The following RNF17 variants were observed in gnomAD, a reference collection of about 807,000 sequenced individuals.
RNF17 encodes the protein ring finger protein 17, also known as spermatogenesis associated 23.
A neutral mutation model predicts 200.5 loss-of-function variants in RNF17; 31 were observed. The observed-to-expected ratio is 0.15, with a 90% CI of 0.12 to 0.21. The LOEUF (loss-of-function observed/expected upper bound fraction) is 0.21. RNF17 is among the 10% of genes least tolerant of loss of function. RNF17 has a pLI of 1.00. For synonymous variants in RNF17, 606 were observed against 637.8 expected, an observed-to-expected ratio of 0.95 and a Z score of 0.75; for missense variants, 1,628 against 1,905.1, an observed-to-expected ratio of 0.85 and a Z score of 2.71.
In RNF17 at chr13:24,826,314, T is replaced by C. The variant is rs569831005; in HGVS notation, c.2245+542T>C. 2.5e-3 allele frequency among the ~76,000 whole-genome samples: 383 copies of C among 152,306 alleles called. 6 individuals are homozygous for C. Among genetic ancestry groups the C allele is most frequent in the African/African-American group, 9.1e-3 (379 of 41,576 alleles). On this transcript the variant is annotated intron_variant, in intron 16 of 35. Coordinates refer to ENST00000255324, the MANE Select transcript of RNF17 (RefSeq NM_031277.3). ...AGAAGATTTATGAAAATGGAGGTAT[T>C]AGCAACAAAAATAATAAAGTTTATT... is the stretch of plus-strand genomic sequence containing the variant.
chr13:24,748,826 T>C, the RNF17 span, among the ~76,000 whole-genome samples: 1 of 151,994 alleles, frequency 6.6e-6, no homozygotes, highest in East Asian at 1.9e-4. Flanking sequence ...CTTGGCTCAC[T>C]GCAACCTCCG....
intron 16 of RNF17, among the ~76,000 whole-genome samples, chr13:24,827,213 A>G (rs982224242): frequency 1.4e-4 from 22 of 152,228 alleles, no homozygotes; most frequent in Admixed American, 4.6e-4. Context: ...GATTACAGGC[A>G]TGAGCCACTG....
intron 2 of RNF17, among the ~76,000 whole-genome samples, chr13:24,769,477 C>A (rs932254214): frequency 1.3e-5 from 2 of 152,156 alleles, no homozygotes; most frequent in Non-Finnish European, 2.9e-5. Flanking sequence ...ATTCTTCAGA[C>A]GCACTGGTGA....
At chr13:24,872,049 A>T (rs947343804) in intron 32 of RNF17, among the ~76,000 whole-genome samples, 1 of 141,108 alleles carries the variant, frequency 7.1e-6, no homozygotes, top group East Asian at 2.1e-4. Context: ...GCTCACTGCA[A>T]CCTTTGCCTC....
the RNF17 span, chr13:24,885,685 T>C: frequency 6.3e-7 from 1 of 1,590,914 alleles, no homozygotes; most frequent in South Asian, 1.1e-5. Flanking sequence ...TAGAATAAAA[T>C]TGTCAAGAGT....
At position 24,846,726 on chromosome 13, in the gene RNF17, A is replaced by G. The variant is rs552530322; in HGVS notation, c.3101+1647A>G. On this transcript the variant is annotated intron_variant, in intron 22 of 35. Coordinates refer to ENST00000255324, the MANE Select transcript of RNF17 (RefSeq NM_031277.3). Reference sequence around the variant, plus strand: ...AAAAAAAATTGAAAAAAATCTCATAATGTTCTAAGAAAGTTTATGAATTTG... The same window carrying G: ...AAAAAAAATTGAAAAAAATCTCATAGTGTTCTAAGAAAGTTTATGAATTTG... Among the ~76,000 whole-genome samples, 96 of 152,302 alleles carry G rather than the reference A, an allele frequency of 6.3e-4. 1 individual carries two copies. Among genetic ancestry groups the G allele is most frequent in the Non-Finnish European group, 4.3e-4 (29 of 68,014 alleles).
chr13:24,793,024 C>A lies in RNF17; in HGVS notation c.936-18C>A, dbSNP rs772768555. 6.8e-6 allele frequency: 10 copies of A among 1,478,250 alleles called. No individual in the cohort carries two copies. In the African/African-American group the frequency reaches 8.5e-5, roughly 13 times the overall value. 91.6% of individuals were successfully genotyped at this position (1,478,250 alleles called of 1,614,324 possible). ...ATACCTCTGTATTCATAGCTTATAT[C>A]TCTGTATTTTTAAACAGATGTTATC... is the stretch of plus-strand genomic sequence containing the variant. On this transcript the variant is annotated intron_variant, in intron 9 of 35. Coordinates refer to ENST00000255324, the MANE Select transcript of RNF17 (RefSeq NM_031277.3).
intron 10 of RNF17, among the ~76,000 whole-genome samples, chr13:24,795,580 G>A (rs1440152177): frequency 6.6e-6 from 1 of 151,978 alleles, no homozygotes; most frequent in Non-Finnish European, 1.5e-5. Context: ...CCACCAAAAA[G>A]CACACGCATT....
At chr13:24,869,315 G>A (rs1893998146) in intron 31 of RNF17, among the ~76,000 whole-genome samples, 1 of 152,210 alleles carries the variant, frequency 6.6e-6, no homozygotes, top group Non-Finnish European at 1.5e-5. Context: ...CTCACAGGCA[G>A]GGGAAGGATT....
chr13:24,863,425 G>T (rs1369649649), intron 28 of RNF17, among the ~76,000 whole-genome samples: 2 of 152,172 alleles, frequency 1.3e-5, no homozygotes, highest in African/African-American at 4.8e-5. Context: ...AAGAGTAGTG[G>T]TAGTGAATAG....
chr13:24,811,000 C>T (rs1469507786), intron 15 of RNF17, among the ~76,000 whole-genome samples: 1 of 151,972 alleles, frequency 6.6e-6, no homozygotes, highest in Non-Finnish European at 1.5e-5. Context: ...AGAGTTTCTG[C>T]CGAGAGATCC....
At chr13:24,774,302 C>A (rs1881241224) in intron 2 of RNF17, among the ~76,000 whole-genome samples, 1 of 152,082 alleles carries the variant, frequency 6.6e-6, no homozygotes, top group Non-Finnish European at 1.5e-5. Context: ...TCTGCCTCGC[C>A]AGGTTCAAGC....
chr13:24,851,961 T>C (rs2138222072), intron 24 of RNF17, among the ~76,000 whole-genome samples: 1 of 152,268 alleles, frequency 6.6e-6, no homozygotes, highest in Middle Eastern at 3.4e-3. Context: ...ACTAGATGTA[T>C]TTATATGAAA....
In RNF17 at chr13:24,793,180, A is replaced by G. The variant is rs1445750810; in HGVS notation, c.1074A>G (p.Pro358=). Residue 358 remains proline (P), a synonymous_variant, in exon 10 of 36, where the codon CCA becomes CCG. Transcript: ENST00000255324. ...TGTCTGTCCTAACCAGTGAAGCACC[A>G]CCACCTCCTTTGCAACCTGAGACAA... The part of the protein sequence containing the change: ...VDMSVLTSEA[P]PPPLQPETND... 2 of 1,614,132 alleles carry G rather than the reference A, an allele frequency of 1.2e-6. No individual in the cohort carries two copies. The highest frequency in any genetic ancestry group is 1.7e-6 in the Non-Finnish European group (2 of 1,179,986).
intron 18 of RNF17, among the ~76,000 whole-genome samples, chr13:24,840,382 C>T (rs529863206): frequency 7.9e-5 from 12 of 152,234 alleles, no homozygotes; most frequent in Non-Finnish European, 1.6e-4. Flanking sequence ...AGATATCTAC[C>T]CAGAGGAAAA....
intron 33 of RNF17, 24 bp from the exon 34 acceptor site, chr13:24,876,973 A>C (rs1357644183): frequency 6.5e-7 from 1 of 1,549,436 alleles, no homozygotes; most frequent in African/African-American, 1.4e-5. Flanking sequence ...GAGAATTTTA[A>C]TGTAAGAATT....
At chr13:24,751,035 C>T in the RNF17 span, 1 of 152,002 alleles carries the variant, frequency 6.6e-6, no homozygotes, top group Admixed American at 6.6e-5. Flanking sequence ...AAATTCAATA[C>T]CCTAAAAAGT....
chr13:24,827,072 A>G (rs1032261919), intron 16 of RNF17, among the ~76,000 whole-genome samples: 1 of 151,812 alleles, frequency 6.6e-6, no homozygotes, highest in African/African-American at 2.4e-5. Flanking sequence ...AGAAAAAAAA[A>G]AGAGAAGTCA....
rs1013617878 is a variant in RNF17 at position 24,807,130 on chromosome 13, G to A, written c.2091+2701G>A. On this transcript the variant is annotated intron_variant, in intron 15 of 35. Transcript: ENST00000255324. ...ACATACGTGTGCATGTGTCTTTATAGCAGCATGATTTATAGTCCTTTGGGT... is the reference window on the plus strand; with the variant it reads ...ACATACGTGTGCATGTGTCTTTATAACAGCATGATTTATAGTCCTTTGGGT... 2.1e-3 allele frequency among the ~76,000 whole-genome samples: 312 copies of A among 151,790 alleles called. 1 individual carries two copies. The highest frequency in any genetic ancestry group is 7.1e-3 in the African/African-American group (294 of 41,424).
Sources: gnomAD v4.1 joint callset for allele counts (sites outside exome capture counted in the v4.1 genomes callset) on GRCh38, gnomAD v4.1.1 for gene constraint, MANE v1.5 for transcripts, NCBI Gene and HGNC (gene_info 2026-07-23, HGNC 2026-07-21) for gene names.